The following CNIH3 variants were observed in gnomAD, a reference collection of about 807,000 sequenced individuals.
CNIH3 encodes the protein protein cornichon homolog 3.
CNIH3 carries 14 observed loss-of-function variants against 24.1 expected under a neutral mutation model. That is an observed-to-expected ratio of 0.58 (90% CI 0.38 to 0.91). The LOEUF is 0.91. Among genes scored for constraint, CNIH3 ranks in the 40% least tolerant of loss-of-function variants. The pLI is 0.00. For missense variants in CNIH3, 178 were observed against 196.8 expected, an observed-to-expected ratio of 0.90 and a Z score of 0.57; for synonymous variants, 68 against 73.8, an observed-to-expected ratio of 0.92 and a Z score of 0.40.
chr1:224,485,744 G>A (rs979572207), intron 1 of CNIH3, among the ~76,000 whole-genome samples: 3 of 152,156 alleles, frequency 2.0e-5, no homozygotes, highest in Non-Finnish European at 2.9e-5. Context: ...AGGATTACTA[G>A]CATGAGCCAG....
At position 224,616,920 on chromosome 1, in the gene CNIH3, G is replaced by T; in HGVS notation, c.-255G>T. The T allele has an allele frequency of 7.6e-7, 1 of 1,316,364 alleles. No individual in the cohort carries two copies. The highest frequency in any genetic ancestry group is 9.6e-7 in the Non-Finnish European group (1 of 1,036,702). 81.5% of individuals were successfully genotyped at this position (1,316,364 alleles called of 1,614,324 possible). A position where few individuals can be genotyped will look rare whatever the true frequency, so the allele number is the denominator to read the frequency against. On this transcript the variant is annotated 5_prime_UTR_variant, in exon 1 of 6. Coordinates refer to ENST00000272133, the MANE Select transcript of CNIH3 (RefSeq NM_152495.2). ...TTGGTTTCTTCTTCGATTTGCGGACGGTTCCCTCCAGCGACTCTCGACACA... is the reference window on the plus strand; with the variant it reads ...TTGGTTTCTTCTTCGATTTGCGGACTGTTCCCTCCAGCGACTCTCGACACA...
intron 5 of CNIH3, among the ~76,000 whole-genome samples, chr1:224,735,587 C>A (rs1483647375): frequency 1.3e-5 from 2 of 152,194 alleles, no homozygotes; most frequent in African/African-American, 4.8e-5. Context: ...CACGCCACCC[C>A]TAGGTTTGGA....
At chr1:224,720,649 C>A (rs570927753) in intron 3 of CNIH3, among the ~76,000 whole-genome samples, 6 of 152,120 alleles carry the variant, frequency 3.9e-5, no homozygotes, top group African/African-American at 1.4e-4. Flanking sequence ...TCATCTGCCC[C>A]GTGCTGAGTA....
intron 3 of CNIH3, among the ~76,000 whole-genome samples, chr1:224,699,821 C>G (rs1479855578): frequency 6.6e-6 from 1 of 152,200 alleles, no homozygotes; most frequent in Non-Finnish European, 1.5e-5. Flanking sequence ...GGGACATGCA[C>G]TGCACAGGGG....
chr1:224,482,104 C>T (rs933295851), intron 1 of CNIH3, among the ~76,000 whole-genome samples: 4 of 152,160 alleles, frequency 2.6e-5, no homozygotes, highest in African/African-American at 9.7e-5. Flanking sequence ...GTGTTGAATG[C>T]TCTCAAGCCT....
At chr1:224,629,969 G>T (rs1054377646) in intron 1 of CNIH3, among the ~76,000 whole-genome samples, 1 of 152,144 alleles carries the variant, frequency 6.6e-6, no homozygotes, top group Non-Finnish European at 1.5e-5. Flanking sequence ...CTAGTTGTGA[G>T]AAGTTATAAA....
At chr1:224,462,211 C>G (rs1369036138) in intron 1 of CNIH3, among the ~76,000 whole-genome samples, 5 of 152,152 alleles carry the variant, frequency 3.3e-5, no homozygotes, top group Admixed American at 1.3e-4. Flanking sequence ...CACTCTTACC[C>G]TAATGTAGGG....
intron 5 of CNIH3, 49 bp from the exon 6 acceptor site, chr1:224,739,280 C>T (rs774778405): frequency 1.9e-6 from 3 of 1,557,280 alleles, no homozygotes; most frequent in Admixed American, 3.6e-5. Flanking sequence ...TGGGCTTCTA[C>T]TAACACCTTC....
chr1:224,514,807 T>C (rs1678312961), upstream of CNIH3, among the ~76,000 whole-genome samples: 1 of 152,188 alleles, frequency 6.6e-6, no homozygotes, highest in Non-Finnish European at 1.5e-5. Flanking sequence ...ATTCCAGCCT[T>C]GGCGAGAGTG....
At chr1:224,696,002 C>T (rs78179012) in intron 3 of CNIH3, among the ~76,000 whole-genome samples, 3,116 of 152,202 alleles carry the variant, frequency 0.02, 76 homozygotes, top group African/African-American at 0.055. Context: ...GGCAGGAAAG[C>T]GTATTGGGAT....
At chr1:224,674,013 C>A (rs186275791) in intron 1 of CNIH3, among the ~76,000 whole-genome samples, 1 of 152,044 alleles carries the variant, frequency 6.6e-6, no homozygotes, top group Non-Finnish European at 1.5e-5. Flanking sequence ...GAACTGTATG[C>A]TAGGGGGAGA....
intron 2 of CNIH3, among the ~76,000 whole-genome samples, chr1:224,544,571 G>A (rs572184396): frequency 1.2e-4 from 18 of 152,264 alleles, no homozygotes; most frequent in African/African-American, 4.3e-4. Context: ...AGAACAAAGA[G>A]GAAGGCAAAA....
Position 224,616,946 on chromosome 1 carries a change from C to G in CNIH3, c.-229C>G. 2 of 1,384,426 alleles carry G rather than the reference C, an allele frequency of 1.4e-6. No individual in the cohort carries two copies. Among genetic ancestry groups the G allele is most frequent in the Non-Finnish European group, 1.9e-6 (2 of 1,075,058 alleles). 85.8% of individuals were successfully genotyped at this position (1,384,426 alleles called of 1,614,324 possible). A position where few individuals can be genotyped will look rare whatever the true frequency, so the allele number is the denominator to read the frequency against. Reference sequence around the variant, plus strand: ...GTTCCCTCCAGCGACTCTCGACACACGTTTTCCTGTCTTCGCCGGAGGGCC... The same window carrying G: ...GTTCCCTCCAGCGACTCTCGACACAGGTTTTCCTGTCTTCGCCGGAGGGCC... On this transcript the variant is annotated 5_prime_UTR_variant, in exon 1 of 6. Coordinates refer to ENST00000272133, the MANE Select transcript of CNIH3 (RefSeq NM_152495.2).
intron 3 of CNIH3, among the ~76,000 whole-genome samples, chr1:224,700,082 C>G (rs1687399267): frequency 6.6e-6 from 1 of 152,158 alleles, no homozygotes; most frequent in Non-Finnish European, 1.5e-5. Flanking sequence ...TCCAGCCCAT[C>G]ACCGCTGGAC....
chr1:224,495,192 T>C (rs956098488), intron 1 of CNIH3, among the ~76,000 whole-genome samples: 7 of 152,166 alleles, frequency 4.6e-5, no homozygotes, highest in African/African-American at 1.7e-4. Context: ...ATGAGCCTCC[T>C]CATGTAAGGA....
chr1:224,470,344 G>T (rs892970498), intron 1 of CNIH3, among the ~76,000 whole-genome samples: 1 of 143,054 alleles, frequency 7.0e-6, no homozygotes. Context: ...TTAAGAGGTA[G>T]TGTCTCACTC....
chr1:224,638,346 C>T (rs912461526), intron 1 of CNIH3, among the ~76,000 whole-genome samples: 11 of 152,262 alleles, frequency 7.2e-5, no homozygotes, highest in Non-Finnish European at 1.5e-4. Flanking sequence ...CAGCGCCTGC[C>T]TCCAGCATCA....
At chr1:224,648,133 C>T (rs575580101) in intron 1 of CNIH3, among the ~76,000 whole-genome samples, 2 of 152,264 alleles carry the variant, frequency 1.3e-5, no homozygotes. Context: ...GGCGCAGTGG[C>T]TCACGCCTGT....
At chr1:224,560,239 A>G (rs1680308177) in intron 3 of CNIH3, among the ~76,000 whole-genome samples, 2 of 152,280 alleles carry the variant, frequency 1.3e-5, no homozygotes, top group South Asian at 4.1e-4. Context: ...AGGCACTTCC[A>G]TACCTAGGAG....
Sources: allele counts gnomAD v4.1 joint callset (sites outside exome capture counted in the v4.1 genomes callset), GRCh38; gene constraint gnomAD v4.1.1; transcripts MANE v1.5; gene names NCBI Gene and HGNC (gene_info 2026-07-23, HGNC 2026-07-21).